Variants in CNTNAP4 observed in about 807,000 individuals in gnomAD.
CNTNAP4 encodes contactin associated protein family member 4.
Under a neutral mutation model 148.4 loss-of-function variants are expected in CNTNAP4, and 98 were observed. That is an observed-to-expected ratio of 0.66 (90% CI 0.56 to 0.78). The LOEUF (loss-of-function observed/expected upper bound fraction) is 0.78. Among genes scored for constraint, CNTNAP4 ranks in the 30% least tolerant of loss-of-function variants. The probability of loss-of-function intolerance (pLI) is 0.00; values close to 1 mark genes in which losing one functional copy is unlikely to be tolerated. For synonymous variants in CNTNAP4, 730 were observed against 565.1 expected (o/e 1.29, Z -4.14); for missense variants, 1,935 against 1,565.6 (o/e 1.24, Z -3.98).
At chr16:76,289,918 G>A (rs1959045326) in intron 1 of CNTNAP4, among the ~76,000 whole-genome samples, 1 of 151,914 alleles carries the variant, frequency 6.6e-6, no homozygotes, top group Admixed American at 6.6e-5. Context: ...TTATTTTCTG[G>A]TAAAACCCAT....
At chr16:76,514,744 A>C (rs57854100) in intron 15 of CNTNAP4, among the ~76,000 whole-genome samples, 2 of 113,370 alleles carry the variant, frequency 1.8e-5, no homozygotes, top group African/African-American at 5.1e-5. Flanking sequence ...GTTGAAAACA[A>C]TAATAGATGT....
chr16:76,298,319 T>A (rs1959527958), intron 1 of CNTNAP4, among the ~76,000 whole-genome samples: 1 of 152,124 alleles, frequency 6.6e-6, no homozygotes, highest in East Asian at 1.9e-4. Context: ...TTAACTAAAA[T>A]GCAATAAGCA....
chr16:76,448,963 A>C lies in CNTNAP4; in HGVS notation c.927+12A>C. On this transcript the variant is annotated intron_variant, in intron 6 of 23. Coordinates refer to ENST00000611870, the MANE Select transcript of CNTNAP4 (RefSeq NM_033401.5). ...ATCTTGATTATGAGGTGTGATGGTT[A>C]TGTTTCAATTAATGCTGATTTTATT... 1 of 1,608,980 alleles carries C rather than the reference A, an allele frequency of 6.2e-7. No individual in the cohort carries two copies. The highest frequency in any genetic ancestry group is 8.5e-7 in the Non-Finnish European group (1 of 1,176,508).
intron 15 of CNTNAP4, among the ~76,000 whole-genome samples, chr16:76,515,386 C>A (rs750402397): frequency 6.6e-6 from 1 of 151,996 alleles, no homozygotes; most frequent in African/African-American, 2.4e-5. Context: ...AGGGTGGTGC[C>A]CTAATTCAAT....
intron 2 of CNTNAP4, among the ~76,000 whole-genome samples, chr16:76,326,360 C>T (rs1009835823): frequency 3.3e-5 from 5 of 152,176 alleles, no homozygotes; most frequent in African/African-American, 9.7e-5. Context: ...AAAGCCAGGA[C>T]TCCTAGCTTT....
At chr16:76,346,359 T>C (rs1193295528) in intron 2 of CNTNAP4, among the ~76,000 whole-genome samples, 1 of 151,420 alleles carries the variant, frequency 6.6e-6, no homozygotes, top group Admixed American at 6.6e-5. Flanking sequence ...GACTTCAGTT[T>C]GTTGACCCAG....
chr16:76,372,540 A>G (rs1367650177), intron 3 of CNTNAP4, among the ~76,000 whole-genome samples: 1 of 152,114 alleles, frequency 6.6e-6, no homozygotes, highest in Non-Finnish European at 1.5e-5. Context: ...TCACGTGGGC[A>G]GTTTCCCCCA....
chr16:76,363,064 A>G (rs2013637181), intron 3 of CNTNAP4, among the ~76,000 whole-genome samples: 1 of 152,066 alleles, frequency 6.6e-6, no homozygotes, highest in Non-Finnish European at 1.5e-5. Flanking sequence ...CTATTAAAAA[A>G]AAAAAAATAG....
chr16:76,489,861 G>C lies in CNTNAP4; in HGVS notation c.2058G>C (p.Lys686Asn). 1 of 1,561,244 alleles carries C rather than the reference G, an allele frequency of 6.4e-7. No homozygotes were observed. The highest frequency in any genetic ancestry group is 2.3e-5 in the East Asian group (1 of 43,500). Reference sequence around the variant, plus strand: ...AGGAGTTTACTTATTACTGCAAGAAGTCACGGCTGGTCAATAAGCAAGGTA... The same window carrying C: ...AGGAGTTTACTTATTACTGCAAGAACTCACGGCTGGTCAATAAGCAAGGTA... ...CEQEFTYYCK[K>N]SRLVNKQDGT... Residue 686 changes from lysine to asparagine, a missense_variant, in exon 13 of 24, where the codon AAG becomes AAC. By Grantham distance (94) the Lys-to-Asn change is moderately conservative (BLOSUM62 0). Transcript: ENST00000611870.
At chr16:76,424,025 C>T (rs1026717360) in intron 3 of CNTNAP4, among the ~76,000 whole-genome samples, 11 of 152,096 alleles carry the variant, frequency 7.2e-5, no homozygotes, top group Non-Finnish European at 1.3e-4. Context: ...TTTCCTTACC[C>T]TCCATAAGAG....
intron 3 of CNTNAP4, among the ~76,000 whole-genome samples, chr16:76,360,737 TTATATTTC>T (rs1451465522): frequency 6.6e-6 from 1 of 152,224 alleles, no homozygotes; most frequent in Non-Finnish European, 1.5e-5. Context: ...AGTTTCCTGT[TTATATTTC>T]TATTTAGCTC....
chr16:76,364,756 T>G (rs909557313), intron 3 of CNTNAP4, among the ~76,000 whole-genome samples: 4 of 152,206 alleles, frequency 2.6e-5, no homozygotes, highest in African/African-American at 9.6e-5. Context: ...ATCTTTAATT[T>G]ATATACTTTA....
At chr16:76,362,685 A>G (rs561175706) in intron 3 of CNTNAP4, among the ~76,000 whole-genome samples, 270 of 152,362 alleles carry the variant, frequency 1.8e-3, no homozygotes, top group African/African-American at 6.3e-3. Context: ...GTTCTCACTT[A>G]TAAATGGGAA....
chr16:76,554,769 A>G (rs1392166464), intron 23 of CNTNAP4, among the ~76,000 whole-genome samples: 1 of 151,966 alleles, frequency 6.6e-6, no homozygotes, highest in Non-Finnish European at 1.5e-5. Flanking sequence ...CATATATGAA[A>G]TATGAATATT....
intron 15 of CNTNAP4, among the ~76,000 whole-genome samples, chr16:76,500,874 G>A (rs936621001): frequency 2.6e-5 from 4 of 151,958 alleles, no homozygotes; most frequent in Non-Finnish European, 5.9e-5. Context: ...AGCGACTAGT[G>A]CATTAAATAT....
chr16:76,497,529 G>T (rs1175837105), intron 14 of CNTNAP4, among the ~76,000 whole-genome samples: 1 of 152,082 alleles, frequency 6.6e-6, no homozygotes, highest in East Asian at 1.9e-4. Context: ...AAAAGGATGA[G>T]TTCATGTCCT....
intron 1 of CNTNAP4, among the ~76,000 whole-genome samples, chr16:76,304,838 C>T (rs765036122): frequency 2.6e-5 from 4 of 152,168 alleles, no homozygotes; most frequent in Non-Finnish European, 5.9e-5. Context: ...CCGAGGATGT[C>T]CATATCTTAA....
intron 21 of CNTNAP4, among the ~76,000 whole-genome samples, chr16:76,541,673 G>C (rs995113182): frequency 2.6e-5 from 4 of 152,204 alleles, no homozygotes; most frequent in Non-Finnish European, 5.9e-5. Context: ...TCAGAACCTT[G>C]AGAATGTTTG....
intron 2 of CNTNAP4, among the ~76,000 whole-genome samples, chr16:76,343,955 C>G (rs1429374807): frequency 6.6e-6 from 1 of 152,102 alleles, no homozygotes; most frequent in Non-Finnish European, 1.5e-5. Context: ...GGCCAGGAGC[C>G]AGATGGAACT....
Sources: allele counts gnomAD v4.1 joint callset (sites outside exome capture counted in the v4.1 genomes callset), GRCh38; gene constraint gnomAD v4.1.1; transcripts MANE v1.5; gene names NCBI Gene and HGNC (gene_info 2026-07-23, HGNC 2026-07-21).